GABBR2: variants seen among roughly 807,000 people sequenced by gnomAD.
GABBR2 encodes G-protein coupled receptor 51.
GABBR2 carries 23 observed loss-of-function variants against 105.6 expected under a neutral mutation model. That is an observed-to-expected ratio of 0.22 (90% CI 0.16 to 0.31). The LOEUF is 0.31. Ranked by LOEUF, GABBR2 falls within the 10% of genes least tolerant of loss-of-function variation. The pLI, the probability that GABBR2 is intolerant of heterozygous loss-of-function variation, is 1.00. For synonymous variants in GABBR2, 478 were observed against 499.7 expected, an observed-to-expected ratio of 0.96 and a Z score of 0.58; for missense variants, 734 against 1,245.5, an observed-to-expected ratio of 0.59 and a Z score of 6.18.
intron 5 of GABBR2, among the ~76,000 whole-genome samples, 179 bp from the exon 6 acceptor site, chr9:98,473,525 A>G (rs926550571): frequency 6.6e-6 from 1 of 152,238 alleles, no homozygotes; most frequent in African/African-American, 2.4e-5. Context: ...TATGGATAAC[A>G]TGTATAATAA....
At chr9:98,442,495 C>T (rs1014979477) in intron 7 of GABBR2, among the ~76,000 whole-genome samples, 6 of 152,202 alleles carry the variant, frequency 3.9e-5, no homozygotes, top group African/African-American at 1.4e-4. Flanking sequence ...AGCTCTGTCA[C>T]CTTGGGTAAA....
At chr9:98,385,905 C>T in intron 10 of GABBR2, 133 bp from the exon 11 acceptor site, 1 of 681,992 alleles carries the variant, frequency 1.5e-6, no homozygotes. Context: ...CAGAAATACG[C>T]CATGGGGCCT....
intron 1 of GABBR2, among the ~76,000 whole-genome samples, chr9:98,689,121 T>G (rs1291964412): frequency 1.3e-5 from 2 of 152,198 alleles, no homozygotes; most frequent in African/African-American, 4.8e-5. Flanking sequence ...CTCAGTTTTC[T>G]CATGTGTAAA....
intron 4 of GABBR2, among the ~76,000 whole-genome samples, chr9:98,488,866 T>G (rs1296803658): frequency 2.6e-5 from 4 of 152,184 alleles, no homozygotes; most frequent in Non-Finnish European, 5.9e-5. Context: ...AGCTAGAATC[T>G]CAGCTCAGTC....
At chr9:98,310,730 A>G (rs1830622730) in intron 14 of GABBR2, among the ~76,000 whole-genome samples, 1 of 152,334 alleles carries the variant, frequency 6.6e-6, no homozygotes, top group African/African-American at 2.4e-5. Context: ...AATGCTGGAC[A>G]TGAACATGCA....
At chr9:98,624,296 A>G (rs1829705396) in intron 1 of GABBR2, among the ~76,000 whole-genome samples, 1 of 152,150 alleles carries the variant, frequency 6.6e-6, no homozygotes. Flanking sequence ...GTCTCAGCAC[A>G]AGGATGCAGG....
chr9:98,331,396 CTTTTTTTT>C (rs142735341), intron 13 of GABBR2, among the ~76,000 whole-genome samples: 7 of 75,992 alleles, frequency 9.2e-5, no homozygotes, highest in African/African-American at 2.7e-4. Context: ...AGTCCCTCTT[CTTTTTTTT>C]TTTTTTTTTT....
In GABBR2 at chr9:98,358,827, C is replaced by T. The variant is rs565468496; in HGVS notation, c.1893+3888G>A. 1.8e-3 allele frequency among the ~76,000 whole-genome samples: 279 copies of T among 152,246 alleles called. 1 individual carries two copies. The highest frequency in any genetic ancestry group is 4.4e-3 in the South Asian group (21 of 4,826). ...TGTAGCCCCTGAGAGAGGAAAGAGG[C>T]GGTGAAACCAGAAGTCAGGACCTCC... On this transcript the variant is annotated intron_variant, in intron 13 of 18. Coordinates refer to ENST00000259455, the MANE Select transcript of GABBR2 (RefSeq NM_005458.8).
At chr9:98,407,029 C>T (rs375302289) in intron 7 of GABBR2, among the ~76,000 whole-genome samples, 190 of 152,328 alleles carry the variant, frequency 1.2e-3, no homozygotes, top group African/African-American at 4.5e-3. Context: ...CACAAGGTCA[C>T]TGTAAGTGAG....
rs752396856 is a variant in GABBR2 at position 98,454,991 on chromosome 9, C to T, written c.1000-774G>A. ...GGTGCAGGTCTGAGTGGGCTGTGTC[C>T]GTGGCTTGCAGATTCTGGGCCCCGA... is the stretch of plus-strand genomic sequence containing the variant. On this transcript the variant is annotated intron_variant, in intron 6 of 18. Coordinates refer to ENST00000259455, the MANE Select transcript of GABBR2 (RefSeq NM_005458.8). This position sits in a 1 kb window ranked among gnomAD's most constrained non-coding sequence, Gnocchi z 4.6. Among the ~76,000 whole-genome samples, 34 of 152,082 alleles carry T rather than the reference C, an allele frequency of 2.2e-4. No homozygotes were observed. Among genetic ancestry groups the T allele is most frequent in the Non-Finnish European group, 3.8e-4 (26 of 68,020 alleles).
At chr9:98,301,056 T>G (rs1420008836) in intron 16 of GABBR2, among the ~76,000 whole-genome samples, 1 of 152,226 alleles carries the variant, frequency 6.6e-6, no homozygotes, top group Non-Finnish European at 1.5e-5. Flanking sequence ...GTCCTCGCTC[T>G]GTGCATCTCT....
intron 1 of GABBR2, among the ~76,000 whole-genome samples, chr9:98,702,438 C>A (rs1314241287): frequency 4.6e-5 from 7 of 152,202 alleles, no homozygotes; most frequent in Non-Finnish European, 1.0e-4. Flanking sequence ...GCCCCTCCGA[C>A]TCCAGGCTCA....
chr9:98,584,790 T>C (rs142635147), intron 1 of GABBR2, among the ~76,000 whole-genome samples: 222 of 152,320 alleles, frequency 1.5e-3, no homozygotes, highest in African/African-American at 5.1e-3. Context: ...ATTTAAAAGC[T>C]AATGTGTCCA....
intron 1 of GABBR2, among the ~76,000 whole-genome samples, chr9:98,583,372 G>A (rs1214411860): frequency 6.6e-6 from 1 of 152,194 alleles, no homozygotes. Context: ...CCCCTCAGGG[G>A]CGTAAAGCCC....
chr9:98,606,042 G>C (rs1487163122), intron 1 of GABBR2, among the ~76,000 whole-genome samples: 1 of 151,942 alleles, frequency 6.6e-6, no homozygotes, highest in Non-Finnish European at 1.5e-5. Context: ...TTTTGTCCTT[G>C]CTATAGTTTG....
chr9:98,650,781 C>T (rs569978890), intron 1 of GABBR2, among the ~76,000 whole-genome samples: 138 of 152,286 alleles, frequency 9.1e-4, no homozygotes, highest in Non-Finnish European at 1.2e-3. Context: ...CCAATGCATG[C>T]TACAACATGG....
At chr9:98,328,261 T>C (rs1377418323) in intron 13 of GABBR2, among the ~76,000 whole-genome samples, 1 of 151,956 alleles carries the variant, frequency 6.6e-6, no homozygotes, top group African/African-American at 2.4e-5. Flanking sequence ...ATGGGGTTCT[T>C]TGAGCTGTGA....
chr9:98,515,798 C>A (rs1202213462), intron 3 of GABBR2, among the ~76,000 whole-genome samples: 1 of 152,142 alleles, frequency 6.6e-6, no homozygotes, highest in Non-Finnish European at 1.5e-5. Context: ...CCTCAACAAT[C>A]TTACAAAGCA....
chr9:98,663,345 A>T (rs1224766905), intron 1 of GABBR2, among the ~76,000 whole-genome samples: 1 of 152,062 alleles, frequency 6.6e-6, no homozygotes. Flanking sequence ...CAGACCGGGG[A>T]TGATGGCAGA....
Sources: allele counts gnomAD v4.1 joint callset (sites outside exome capture counted in the v4.1 genomes callset), GRCh38; gene constraint gnomAD v4.1.1; non-coding constraint Gnocchi (gnomAD v3.1); transcripts MANE v1.5; gene names NCBI Gene and HGNC (gene_info 2026-07-23, HGNC 2026-07-21).